KYAT3: variants seen among roughly 807,000 people sequenced by gnomAD.
The protein encoded by KYAT3 is kynurenine aminotransferase 3.
In KYAT3, 50 loss-of-function variants were observed where a neutral mutation model predicts 59.0. That is an observed-to-expected ratio of 0.85 (90% CI 0.68 to 1.07). The LOEUF is 1.07. Among genes scored for constraint, KYAT3 ranks in the 50% least tolerant of loss-of-function variants. KYAT3 has a pLI of 0.00. For synonymous variants in KYAT3, 148 were observed against 177.0 expected (o/e 0.84, Z 1.30); for missense variants, 497 against 533.3 (o/e 0.93, Z 0.67).
intron 1 of KYAT3, among the ~76,000 whole-genome samples, chr1:88,989,313 T>G (rs1160554577): frequency 6.6e-6 from 1 of 152,164 alleles, no homozygotes; most frequent in Non-Finnish European, 1.5e-5. Context: ...GGGTTGGGTT[T>G]ATATAAGAAA....
intron 13 of KYAT3, 58 bp downstream of exon 13, chr1:88,942,947 C>T (rs1675294939): frequency 1.6e-6 from 2 of 1,225,892 alleles, no homozygotes; most frequent in Non-Finnish European, 2.4e-6. Context: ...GAAAATAGTA[C>T]TTTAAAAATT....
intron 10 of KYAT3, among the ~76,000 whole-genome samples, chr1:88,952,277 A>T (rs1675705667): frequency 2.0e-5 from 3 of 152,218 alleles, no homozygotes; most frequent in Admixed American, 1.3e-4. Context: ...ATCTGCAATG[A>T]ATAGCCAGGT....
intron 2 of KYAT3, among the ~76,000 whole-genome samples, chr1:88,986,527 A>G (rs1436537156): frequency 6.6e-6 from 1 of 150,446 alleles, no homozygotes; most frequent in African/African-American, 2.5e-5. Context: ...CCTGGTCTCA[A>G]GCGATCCACT....
chr1:88,944,266 A>G (rs1675351429), intron 11 of KYAT3, among the ~76,000 whole-genome samples: 1 of 152,218 alleles, frequency 6.6e-6, no homozygotes, highest in African/African-American at 2.4e-5. Context: ...CTGAAAACAA[A>G]TTGAGGCAGA....
chr1:88,985,833 C>G (rs188775275), intron 2 of KYAT3, among the ~76,000 whole-genome samples: 17 of 152,222 alleles, frequency 1.1e-4, no homozygotes, highest in Admixed American at 8.5e-4. Context: ...CTAAAGGAGG[C>G]AAAGAGATAT....
chr1:88,970,545 CCTT>C (rs1038064549), intron 2 of KYAT3, among the ~76,000 whole-genome samples: 4 of 152,022 alleles, frequency 2.6e-5, no homozygotes, highest in African/African-American at 9.7e-5. Flanking sequence ...TATAATAAGA[CCTT>C]CTAAAAATAT....
chr1:88,944,716 A>G (rs553876173), intron 11 of KYAT3, among the ~76,000 whole-genome samples: 1 of 152,364 alleles, frequency 6.6e-6, no homozygotes, highest in East Asian at 1.9e-4. Flanking sequence ...ACAGCAGTGT[A>G]TTGAAGGTAC....
chr1:88,960,077 C>A (rs1405654817), intron 8 of KYAT3, among the ~76,000 whole-genome samples: 2 of 148,652 alleles, frequency 1.3e-5, no homozygotes, highest in East Asian at 4.2e-4. Context: ...CGACTACAGG[C>A]ACAGACCACC....
intron 4 of KYAT3, among the ~76,000 whole-genome samples, chr1:88,965,661 C>CT (rs1380638029): frequency 6.6e-6 from 1 of 151,972 alleles, no homozygotes; most frequent in East Asian, 1.9e-4. Flanking sequence ...CCCTTCCTTC[C>CT]TTTTTTTTCT....
chr1:88,977,987 G>C (rs901982319), intron 2 of KYAT3, among the ~76,000 whole-genome samples: 2 of 152,118 alleles, frequency 1.3e-5, no homozygotes, highest in African/African-American at 2.4e-5. Flanking sequence ...ATCTAGGTTT[G>C]TGTAAGTGCA....
intron 2 of KYAT3, among the ~76,000 whole-genome samples, chr1:88,978,532 C>G (rs749509220): frequency 4.6e-5 from 7 of 152,076 alleles, no homozygotes; most frequent in Non-Finnish European, 1.0e-4. Context: ...GAGTCTTGCT[C>G]TGTTGCTCAG....
chr1:88,937,285 G>A (rs893354380), intron 13 of KYAT3, among the ~76,000 whole-genome samples: 11 of 152,158 alleles, frequency 7.2e-5, no homozygotes, highest in African/African-American at 2.7e-4. Flanking sequence ...GTCGGGTGAA[G>A]ATGTAGTGTA....
chr1:88,944,039 T>C (rs1675344215), intron 11 of KYAT3, among the ~76,000 whole-genome samples: 1 of 152,214 alleles, frequency 6.6e-6, no homozygotes, highest in Non-Finnish European at 1.5e-5. Context: ...TTATACCTTT[T>C]TTTAAATTTG....
chr1:88,937,015 G>A (rs887220957), intron 13 of KYAT3, among the ~76,000 whole-genome samples: 1 of 152,218 alleles, frequency 6.6e-6, no homozygotes, highest in Non-Finnish European at 1.5e-5. Flanking sequence ...GTCATGAGGT[G>A]ATAGTGCTGG....
chr1:88,988,182 G>C (rs1677580690), intron 2 of KYAT3, 70 bp downstream of exon 2: 5 of 991,424 alleles, frequency 5.0e-6, no homozygotes, highest in Non-Finnish European at 7.7e-6. Flanking sequence ...AAAAGCATCT[G>C]AAAAATTACA....
At chr1:88,961,818 G>C (rs1676156316) in intron 6 of KYAT3, among the ~76,000 whole-genome samples, 1 of 152,166 alleles carries the variant, frequency 6.6e-6, no homozygotes, top group Admixed American at 6.5e-5. Context: ...TACTTCACAG[G>C]AACTAGCTAT....
chr1:88,984,954 T>G (rs1677359897), intron 2 of KYAT3, among the ~76,000 whole-genome samples: 1 of 152,240 alleles, frequency 6.6e-6, no homozygotes, highest in Admixed American at 6.5e-5. Context: ...TTACTTCATA[T>G]CACATGAGTG....
chr1:88,991,647 T>C (rs1025456864), intron 1 of KYAT3, among the ~76,000 whole-genome samples: 3 of 152,246 alleles, frequency 2.0e-5, no homozygotes, highest in Admixed American at 2.0e-4. Flanking sequence ...GGGCAGCATA[T>C]GCTTTAAGGA....
chr1:88,955,583 T>C (rs993551435), intron 8 of KYAT3, among the ~76,000 whole-genome samples: 9 of 152,212 alleles, frequency 5.9e-5, no homozygotes, highest in Admixed American at 3.3e-4. Flanking sequence ...TGACTGCAGG[T>C]TCGATAAAAT....
Sources: allele counts gnomAD v4.1 joint callset (sites outside exome capture counted in the v4.1 genomes callset), GRCh38; gene constraint gnomAD v4.1.1; transcripts MANE v1.5; gene names NCBI Gene and HGNC (gene_info 2026-07-23, HGNC 2026-07-21).